LENG8: variants seen among roughly 807,000 people sequenced by gnomAD.
LENG8 encodes leukocyte receptor cluster member 8.
A neutral mutation model predicts 102.1 loss-of-function variants in LENG8; 28 were observed. The observed-to-expected ratio is 0.27, with a 90% confidence interval of 0.20 to 0.38. LENG8 has a LOEUF of 0.38. Among genes scored for constraint, LENG8 ranks in the 10% least tolerant of loss-of-function variants. LENG8 has a pLI of 1.00. For synonymous variants in LENG8, 531 were observed against 456.7 expected (o/e 1.16, Z -2.07); for missense variants, 1,022 against 1,113.9 (o/e 0.92, Z 1.17).
At chr19:54,453,322 C>T (rs541779970) in intron 4 of LENG8, among the ~76,000 whole-genome samples, 1 of 152,316 alleles carries the variant, frequency 6.6e-6, no homozygotes, top group Non-Finnish European at 1.5e-5. Context: ...AGTTGGCACT[C>T]AGTATCGTTG....
At chr19:54,451,528 A>T in intron 2 of LENG8, 146 bp downstream of exon 2, 1 of 787,438 alleles carries the variant, frequency 1.3e-6, no homozygotes, top group Non-Finnish European at 2.2e-6. Flanking sequence ...AGGCAAACAC[A>T]GAGGGAAGCA....
rs1455271440 is a variant in LENG8, at chr19:54,456,440, C to T, written c.1420C>T (p.Arg474Ter). 1.2e-6 allele frequency: 2 copies of T among 1,607,340 alleles called. No individual in the cohort carries two copies. The highest frequency in any genetic ancestry group is 8.5e-7 in the Non-Finnish European group (1 of 1,179,484). ...TCGAGGGGCCCATATGGATCGGGGC[C>T]GAGGCAGGGCGCAGCGTGGGAAGAG... ...GGRGAHMDRG[R>*]GRAQRGKRHD... is the part of the protein sequence containing the mutation. Residue 474 changes from arginine to a stop codon, truncating the protein, a stop_gained, in exon 10 of 16, where the codon CGA becomes TGA. Coordinates refer to ENST00000326764, the MANE Select transcript of LENG8 (RefSeq NM_052925.4). LOFTEE classifies it high-confidence loss of function.
intron 2 of LENG8, among the ~76,000 whole-genome samples, 153 bp downstream of exon 2, chr19:54,451,535 A>T (rs1244479470): frequency 6.6e-6 from 1 of 152,158 alleles, no homozygotes; most frequent in Admixed American, 6.5e-5. Flanking sequence ...CACAGAGGGA[A>T]GCATTTGGTT....
intron 7 of LENG8, 40 bp from the exon 8 acceptor site, chr19:54,455,324 G>T (rs745788434): frequency 6.2e-7 from 1 of 1,605,214 alleles, no homozygotes; most frequent in Admixed American, 1.7e-5. Flanking sequence ...TTTGAGTTTG[G>T]GATCGTCTCC....
intron 5 of LENG8, 90 bp from the exon 6 acceptor site, chr19:54,454,338 CTG>C: frequency 7.6e-7 from 1 of 1,321,038 alleles, no homozygotes. Flanking sequence ...GTGCTGAGTG[CTG>C]TGACCACTGC....
At position 54,461,788 on chromosome 19, in the gene LENG8, C is replaced by T; in HGVS notation, c.*860C>T. 1 of 626,620 alleles carries T rather than the reference C, an allele frequency of 1.6e-6. No individual in the cohort carries two copies. Among genetic ancestry groups the T allele is most frequent in the Admixed American group, 2.1e-5 (1 of 47,054 alleles). 38.8% of individuals were successfully genotyped at this position (626,620 alleles called of 1,614,324 possible). A position where few individuals can be genotyped will look rare whatever the true frequency, so the allele number is the denominator to read the frequency against. ...TTTAAGTTATTTTTCTTCCTCCTCTCCCTTTTCTTTTTGGCCCTCCCTCCC... is the reference window on the plus strand; with the variant it reads ...TTTAAGTTATTTTTCTTCCTCCTCTTCCTTTTCTTTTTGGCCCTCCCTCCC... On this transcript the variant is annotated 3_prime_UTR_variant, in exon 16 of 16. Transcript: ENST00000326764.
rs746511134 is a variant in LENG8, at chr19:54,454,601, A to G, written c.598A>G (p.Thr200Ala). The change falls in exon 6 of 16, where the codon ACG becomes GCG. Residue 200 changes from threonine to alanine, a missense_variant. Thr to Ala is a moderately conservative substitution (Grantham distance 58). Coordinates refer to ENST00000326764, the MANE Select transcript of LENG8 (RefSeq NM_052925.4). ...ACAGCACAGCCAGGCGGGGCCCGCC[A>G]CGGGCCAGGCCTATGGGCCACACAC... is the stretch of plus-strand genomic sequence containing the variant. ...ATQHSQAGPA[T>A]GQAYGPHTYT... The G allele has an allele frequency of 1.9e-6, 3 of 1,610,386 alleles. No homozygotes were observed. The highest frequency in any genetic ancestry group is 2.5e-6 in the Non-Finnish European group (3 of 1,179,200).
rs1415678594 is a variant in LENG8 at position 54,456,735 on chromosome 19, C to T, written c.1545C>T (p.Arg515=). The change falls in exon 11 of 16, where the codon CGC becomes CGT. Residue 515 remains arginine, a synonymous_variant. Coordinates refer to ENST00000326764, the MANE Select transcript of LENG8 (RefSeq NM_052925.4). The part of the protein sequence containing the change: ...RELKKQKRAA[R]FQHGHSRRLR... ...TGAAGAAGCAGAAGCGGGCAGCCCG[C>T]TTCCAGCACGGACACTCCCGCCGCC... is the stretch of plus-strand genomic sequence containing the variant. 1 of 1,612,514 alleles carries T rather than the reference C, an allele frequency of 6.2e-7. No individual in the cohort carries two copies. The highest frequency in any genetic ancestry group is 8.5e-7 in the Non-Finnish European group (1 of 1,179,620).
chr19:54,450,298 C>T (rs992851715), intron 1 of LENG8, among the ~76,000 whole-genome samples: 7 of 152,168 alleles, frequency 4.6e-5, no homozygotes, highest in Admixed American at 6.5e-5. Context: ...CTTTACTGCC[C>T]TTCGGAGACC....
At chr19:54,460,257 G>C (rs554268954) in intron 15 of LENG8, 5 of 1,278,778 alleles carry the variant, frequency 3.9e-6, no homozygotes, top group Admixed American at 4.7e-5. Flanking sequence ...GACCTGGCTC[G>C]TGCTAGATGC....
At position 54,460,747 on chromosome 19, in the gene LENG8, TCTC is replaced by T. The variant is rs1441315735; in HGVS notation, c.2241-15_2241-13del. On this transcript the variant is annotated splice_polypyrimidine_tract_variant and intron_variant, in intron 15 of 15. Transcript: ENST00000326764. ...CTCCCGCCCGCCCGCCTCATCACCT[TCTC>T]CTCTTGTCTCCATAGCTTCCGCCCT... 11 of 580,096 alleles carry T rather than the reference TCTC, an allele frequency of 1.9e-5. No homozygotes were observed. The highest frequency in any genetic ancestry group is 7.9e-5 in the East Asian group (1 of 12,588). The allele number at this position is 580,096 out of a possible 1,614,324, so 35.9% of individuals were successfully genotyped here.
At chr19:54,458,853 C>G (rs951877733) in intron 15 of LENG8, 1 of 1,550,544 alleles carries the variant, frequency 6.4e-7, no homozygotes, top group African/African-American at 1.4e-5. Flanking sequence ...CCTGGGCTTC[C>G]TCAGAACCCT....
At chr19:54,453,458 G>A (rs190248084) in intron 4 of LENG8, 88 bp from the exon 5 acceptor site, 7 of 801,670 alleles carry the variant, frequency 8.7e-6, no homozygotes, top group African/African-American at 8.4e-5. Context: ...GATTGGTAGA[G>A]GGTCATGGCT....
intron 1 of LENG8, among the ~76,000 whole-genome samples, chr19:54,450,964 T>C (rs755021404): frequency 2.0e-5 from 3 of 152,174 alleles, no homozygotes; most frequent in Non-Finnish European, 4.4e-5. Context: ...GAGGCACCCC[T>C]ACCCTCTGGA....
chr19:54,456,094 C>T lies in LENG8; in HGVS notation c.1153C>T (p.Pro385Ser), dbSNP rs1294235376. ...GGGAPSQRGT[P>S]GAGGAGRARG... ...GGGTGCCCCGTCCCAGCGAGGGACG[C>T]CCGGGGCTGGGGGTGCCGGTCGAGC... Residue 385 changes from proline to serine, a missense_variant, in exon 9 of 16, where the codon CCC (proline) becomes TCC (serine). By Grantham distance (74) the Pro-to-Ser change is moderately conservative (BLOSUM62 -1). Coordinates refer to ENST00000326764, the MANE Select transcript of LENG8 (RefSeq NM_052925.4). 1.2e-6 allele frequency: 2 copies of T among 1,608,664 alleles called. No homozygotes were observed. The highest frequency in any genetic ancestry group is 1.7e-6 in the Non-Finnish European group (2 of 1,176,840).
rs756484335 is a variant in LENG8, at chr19:54,460,092, G to A, written c.2241-674G>A. The A allele has an allele frequency of 5.4e-5, 70 of 1,289,638 alleles. No individual in the cohort carries two copies. In the Middle Eastern group the frequency reaches 8.5e-4, roughly 16 times the overall value. The allele number at this position is 1,289,638 out of a possible 1,614,324, so 79.9% of individuals were successfully genotyped here. Reference sequence around the variant, plus strand: ...GCCCTGCCAGCTGAGACTGGGAGACGGAGTGGGCTCTGATCCCAGGGCTTC... The same window carrying A: ...GCCCTGCCAGCTGAGACTGGGAGACAGAGTGGGCTCTGATCCCAGGGCTTC... On this transcript the variant is annotated intron_variant, in intron 15 of 15. Coordinates refer to ENST00000326764, the MANE Select transcript of LENG8 (RefSeq NM_052925.4).
intron 5 of LENG8, among the ~76,000 whole-genome samples, chr19:54,453,956 G>A (rs1210575400): frequency 6.6e-6 from 1 of 152,144 alleles, no homozygotes; most frequent in Admixed American, 6.5e-5. Flanking sequence ...AGGAATGGCC[G>A]GGCTAGTGCA....
Position 54,458,817 on chromosome 19 carries a change from C to T in LENG8, c.2240+296C>T, listed in dbSNP as rs768990894. The T allele has an allele frequency of 5.4e-5, 83 of 1,550,938 alleles. No homozygotes were observed. The Middle Eastern group carries it at 1.2e-3, about 22-fold the overall frequency. ...TGTCTCTTCCTCCTGTTCTCTCCTG[C>T]CTGGACCCCCTAGTTCACTCCTTGC... On this transcript the variant is annotated intron_variant, in intron 15 of 15. Coordinates refer to ENST00000326764, the MANE Select transcript of LENG8 (RefSeq NM_052925.4).
chr19:54,460,630 A>G, intron 15 of LENG8, 136 bp from the exon 16 acceptor site: 2 of 1,413,018 alleles, frequency 1.4e-6, no homozygotes, highest in South Asian at 1.5e-5. Flanking sequence ...GGAGGCTGGG[A>G]GGCGGGTGGG....
Sources: allele counts gnomAD v4.1 joint callset (sites outside exome capture counted in the v4.1 genomes callset), GRCh38; gene constraint gnomAD v4.1.1; transcripts MANE v1.5; gene names NCBI Gene and HGNC (gene_info 2026-07-23, HGNC 2026-07-21).